Variants in CWF19L1 observed in about 807,000 individuals in gnomAD.
The protein encoded by CWF19L1 is CWF19 like cell cycle control factor 1, also known as CWF19-like protein 1.
A neutral mutation model predicts 69.7 loss-of-function variants in CWF19L1; 60 were observed. The observed-to-expected ratio is 0.86, with a 90% CI of 0.70 to 1.07. CWF19L1 has a LOEUF of 1.07. Ranked by LOEUF, CWF19L1 falls within the 50% of genes least tolerant of loss-of-function variation. CWF19L1 has a pLI of 0.00. For synonymous variants in CWF19L1, 209 were observed against 222.2 expected (o/e 0.94, Z 0.53); for missense variants, 591 against 638.9 (o/e 0.92, Z 0.81).
intron 1 of CWF19L1, among the ~76,000 whole-genome samples, chr10:100,266,239 G>A (rs1344728425): frequency 6.9e-6 from 1 of 145,886 alleles, no homozygotes; most frequent in East Asian, 2.0e-4. Context: ...CACCCAGCCT[G>A]GAGATCAGCA....
At chr10:100,252,635 C>T (rs1249684265) in intron 6 of CWF19L1, among the ~76,000 whole-genome samples, 2 of 152,022 alleles carry the variant, frequency 1.3e-5, no homozygotes, top group South Asian at 4.1e-4. Context: ...GAGTTCAAGA[C>T]CAGCCTGACT....
chr10:100,238,833 G>A (rs1025028346), intron 10 of CWF19L1, among the ~76,000 whole-genome samples: 2 of 151,116 alleles, frequency 1.3e-5, no homozygotes, highest in Non-Finnish European at 2.9e-5. Flanking sequence ...TCGGGAGGCT[G>A]AGACAGGAGA....
At chr10:100,262,313 A>G in intron 1 of CWF19L1, 2 of 985,388 alleles carry the variant, frequency 2.0e-6, no homozygotes, top group Non-Finnish European at 1.2e-6. Flanking sequence ...CTCATTCCTA[A>G]GTTTTGTGGA....
At chr10:100,248,904 C>T (rs1846924694) in intron 7 of CWF19L1, 9 of 926,192 alleles carry the variant, frequency 9.7e-6, no homozygotes, top group Admixed American at 5.3e-5. Flanking sequence ...CTGCTGAGGG[C>T]GATTCCAAGG....
chr10:100,245,796 T>TA lies in CWF19L1; in HGVS notation c.964+2dup. On this transcript the variant is annotated splice_region_variant and intron_variant, in intron 9 of 13. Coordinates refer to ENST00000354105, the MANE Select transcript of CWF19L1 (RefSeq NM_018294.6). Reference sequence around the variant, plus strand: ...AAGAAACCTCTGGAATAAAGGTACTTACGAGGTTTGCGAGGCTGCTTTGGA... The same window carrying TA: ...AAGAAACCTCTGGAATAAAGGTACTTAACGAGGTTTGCGAGGCTGCTTTGGA... The TA allele has an allele frequency of 6.2e-7, 1 of 1,607,824 alleles. No individual in the cohort carries two copies. The highest frequency in any genetic ancestry group is 8.5e-7 in the Non-Finnish European group (1 of 1,174,246).
At chr10:100,238,378 T>C in intron 10 of CWF19L1, 147 bp from the exon 11 acceptor site, 2 of 681,784 alleles carry the variant, frequency 2.9e-6, no homozygotes, top group South Asian at 1.9e-5. Flanking sequence ...AAAATCTGAT[T>C]TTAGAGATTG....
chr10:100,251,017 T>C (rs1032643998), intron 6 of CWF19L1, among the ~76,000 whole-genome samples: 1 of 152,150 alleles, frequency 6.6e-6, no homozygotes, highest in Admixed American at 6.5e-5. Flanking sequence ...AACATAAAGT[T>C]TTCACGGTTC....
intron 11 of CWF19L1, among the ~76,000 whole-genome samples, chr10:100,237,741 G>T (rs1321196739): frequency 6.6e-6 from 1 of 151,878 alleles, no homozygotes; most frequent in African/African-American, 2.4e-5. Context: ...CTGCCTCCCA[G>T]GTTCAAGCTA....
intron 4 of CWF19L1, among the ~76,000 whole-genome samples, chr10:100,258,211 C>G (rs1847276451): frequency 6.6e-6 from 1 of 152,228 alleles, no homozygotes; most frequent in Admixed American, 6.5e-5. Context: ...GCAATTCAGT[C>G]TGGGCAACAA....
chr10:100,246,892 G>A lies in CWF19L1; in HGVS notation c.752C>T (p.Ala251Val). ...FSIVPMKLMD[A>V]AELVKQPPDV... ...CGGAGGCTGTTTTACCAGTTCTGCT[G>A]CATCCATTAGCTTCATGGGAACAAT... The change falls in exon 8 of 14, where the codon GCA becomes GTA. Residue 251 changes from alanine to valine, a missense_variant. Coordinates refer to ENST00000354105, the MANE Select transcript of CWF19L1 (RefSeq NM_018294.6). 1 of 1,613,682 alleles carries A rather than the reference G, an allele frequency of 6.2e-7. No individual in the cohort carries two copies. The highest frequency in any genetic ancestry group is 1.1e-5 in the South Asian group (1 of 91,060).
At chr10:100,266,887 C>G (rs1847611819) in intron 1 of CWF19L1, among the ~76,000 whole-genome samples, 1 of 150,300 alleles carries the variant, frequency 6.7e-6, no homozygotes, top group Non-Finnish European at 1.5e-5. Context: ...GTTCTGTCGC[C>G]CAGGCTGGAG....
intron 11 of CWF19L1, among the ~76,000 whole-genome samples, chr10:100,237,716 G>A (rs1318227171): frequency 2.0e-5 from 3 of 151,706 alleles, no homozygotes; most frequent in Non-Finnish European, 4.4e-5. Context: ...GCACAATCTC[G>A]GCTCACTGCA....
At chr10:100,244,512 C>T (rs1368542485) in intron 9 of CWF19L1, among the ~76,000 whole-genome samples, 1 of 151,762 alleles carries the variant, frequency 6.6e-6, no homozygotes. Flanking sequence ...TCTGCCACCA[C>T]GCCTGGTTAA....
Position 100,236,873 on chromosome 10 carries a change from G to C in CWF19L1, c.1351C>G (p.Pro451Ala). The change falls in exon 12 of 14, where the codon CCA becomes GCA. Residue 451 changes from proline to alanine, a missense_variant. Transcript: ENST00000354105. ...QEQQIELLEI[P>A]EHSDIKQIAQ... ...ACCTGCTTGATGTCAGAGTGCTCTGGGATTTCCAACAGCTCTATCTGCTGC... is the reference window on the plus strand; with the variant it reads ...ACCTGCTTGATGTCAGAGTGCTCTGCGATTTCCAACAGCTCTATCTGCTGC... The C allele has an allele frequency of 6.2e-7, 1 of 1,609,220 alleles. No homozygotes were observed. The highest frequency in any genetic ancestry group is 8.5e-7 in the Non-Finnish European group (1 of 1,178,046).
intron 10 of CWF19L1, among the ~76,000 whole-genome samples, chr10:100,238,458 A>G (rs1846526080): frequency 6.6e-6 from 1 of 152,230 alleles, no homozygotes; most frequent in African/African-American, 2.4e-5. Flanking sequence ...CAAGTAGCAA[A>G]TGAACTAGGA....
chr10:100,256,467 C>A lies in CWF19L1; in HGVS notation c.299G>T (p.Gly100Val). 1.2e-6 allele frequency: 2 copies of A among 1,614,046 alleles called. No individual in the cohort carries two copies. Among genetic ancestry groups the A allele is most frequent in the South Asian group, 1.1e-5 (1 of 91,088 alleles). Residue 100 changes from glycine (G) to valine (V), a missense_variant, in exon 5 of 14, where the codon GGT becomes GTT. By Grantham distance (109) the Gly-to-Val change is moderately radical. This residue lies in a region of CWF19L1 where 129 missense variants were observed against 131.3 expected (regional missense o/e 0.98). Coordinates refer to ENST00000354105, the MANE Select transcript of CWF19L1 (RefSeq NM_018294.6). ...CAGCCCCGAGCTTCCAGTGAAGATA[C>A]CTTTACGACCTGGGTTCAAAGAAAA... ...AENITYLGRK[G>V]IFTGSSGLQI...
rs868376069 is a variant in CWF19L1 at position 100,246,013 on chromosome 10, C to G, written c.850-100G>C. On this transcript the variant is annotated intron_variant, in intron 8 of 13. Coordinates refer to ENST00000354105, the MANE Select transcript of CWF19L1 (RefSeq NM_018294.6). Reference sequence around the variant, plus strand: ...AGGGAACATTCCTGCCATGCCATACCTATCTTTCTTCTCAGTCCTTTCTGC... The same window carrying G: ...AGGGAACATTCCTGCCATGCCATACGTATCTTTCTTCTCAGTCCTTTCTGC... 2.5e-4 allele frequency: 212 copies of G among 842,144 alleles called. No individual in the cohort carries two copies. The Middle Eastern group carries it at 2.8e-3, about 11-fold the overall frequency. 52.2% of individuals were successfully genotyped at this position (842,144 alleles called of 1,614,324 possible).
chr10:100,241,213 GC>G (rs1040441678), intron 10 of CWF19L1, among the ~76,000 whole-genome samples: 1 of 151,914 alleles, frequency 6.6e-6, no homozygotes, highest in Non-Finnish European at 1.5e-5. Flanking sequence ...CACCTTCTTG[GC>G]CAGGCTGGTC....
rs1140506 is a variant in CWF19L1, at chr10:100,232,524, T to C, written c.*703A>G. On this transcript the variant is annotated 3_prime_UTR_variant, in exon 14 of 14. Transcript: ENST00000354105. Reference sequence around the variant, plus strand: ...ACCTCCCAGGCTCAAGCAATTCTCCTGCCTCAGCCTCCTGAGTAGCTGGGA... The same window carrying C: ...ACCTCCCAGGCTCAAGCAATTCTCCCGCCTCAGCCTCCTGAGTAGCTGGGA... The C allele has an allele frequency of 6.6e-6, 1 of 152,326 alleles. No individual in the cohort carries two copies. Among genetic ancestry groups the C allele is most frequent in the Non-Finnish European group, 1.5e-5 (1 of 68,122 alleles). 9.4% of individuals were successfully genotyped at this position (152,326 alleles called of 1,614,324 possible). A position where few individuals can be genotyped will look rare whatever the true frequency, so the allele number is the denominator to read the frequency against.
Sources: allele counts gnomAD v4.1 joint callset (sites outside exome capture counted in the v4.1 genomes callset), GRCh38; gene constraint gnomAD v4.1.1; regional missense constraint gnomAD v4.1.1; transcripts MANE v1.5; gene names NCBI Gene and HGNC (gene_info 2026-07-23, HGNC 2026-07-21).